Variants in SLIT3 observed in about 807,000 individuals in gnomAD.
SLIT3 encodes slit guidance ligand 3.
SLIT3 carries 68 observed loss-of-function variants against 184.0 expected under a neutral mutation model. The observed-to-expected ratio is 0.37, with a 90% CI of 0.30 to 0.45. The LOEUF is 0.45. Among genes scored for constraint, SLIT3 ranks in the 20% least tolerant of loss-of-function variants. The pLI is 1.00. For missense variants in SLIT3, 1,707 were observed against 2,026.0 expected (o/e 0.84, Z 3.02); for synonymous variants, 831 against 828.6 (o/e 1.00, Z -0.05).
chr5:168,668,877 C>T (rs1303742115), intron 35 of SLIT3, among the ~76,000 whole-genome samples: 1 of 152,256 alleles, frequency 6.6e-6, no homozygotes, highest in Non-Finnish European at 1.5e-5. Flanking sequence ...TCAAATGATT[C>T]TCTTGCCTCG....
chr5:169,003,095 T>G (rs1462158959), intron 4 of SLIT3, among the ~76,000 whole-genome samples: 1 of 152,202 alleles, frequency 6.6e-6, no homozygotes, highest in Non-Finnish European at 1.5e-5. Context: ...CTAAATCCAT[T>G]AGAAAGGATT....
intron 4 of SLIT3, among the ~76,000 whole-genome samples, chr5:168,958,695 T>C (rs1280983861): frequency 2.0e-5 from 3 of 152,180 alleles, no homozygotes; most frequent in African/African-American, 7.2e-5. Flanking sequence ...CTTTTCCCCC[T>C]AGAGAGAGAA....
At chr5:168,924,142 C>T (rs560327917) in intron 4 of SLIT3, among the ~76,000 whole-genome samples, 3 of 152,382 alleles carry the variant, frequency 2.0e-5, no homozygotes, top group East Asian at 3.9e-4. Flanking sequence ...TCTCTCTTCA[C>T]ACCTCTGACC....
intron 4 of SLIT3, among the ~76,000 whole-genome samples, chr5:169,065,310 C>G (rs1758312839): frequency 6.6e-6 from 1 of 152,104 alleles, no homozygotes; most frequent in Non-Finnish European, 1.5e-5. Context: ...ATCACACAGC[C>G]TGCTAGAATA....
intron 4 of SLIT3, among the ~76,000 whole-genome samples, chr5:168,898,396 C>CTT (rs67374761): frequency 7.0e-6 from 1 of 141,900 alleles, no homozygotes; most frequent in African/African-American, 2.6e-5. Context: ...TGGAGGGAGA[C>CTT]TTTTTTTTTT....
At chr5:169,207,448 G>A (rs911274404) in intron 3 of SLIT3, among the ~76,000 whole-genome samples, 2 of 148,902 alleles carry the variant, frequency 1.3e-5, no homozygotes, top group African/African-American at 2.5e-5. Flanking sequence ...AGAATTCAAC[G>A]TCATCTCCAA....
chr5:168,850,625 T>C (rs938388281), intron 5 of SLIT3, among the ~76,000 whole-genome samples: 6 of 152,246 alleles, frequency 3.9e-5, no homozygotes, highest in African/African-American at 1.2e-4. Context: ...CCTAGGTTAA[T>C]TAAGCTCTCT....
intron 1 of SLIT3, among the ~76,000 whole-genome samples, chr5:169,252,865 A>T (rs1027464812): frequency 4.6e-5 from 7 of 152,198 alleles, no homozygotes; most frequent in African/African-American, 9.7e-5. Context: ...TATATATATA[A>T]AAAATTCAAG....
chr5:169,164,625 G>A (rs1351132496), intron 4 of SLIT3, among the ~76,000 whole-genome samples: 7 of 152,168 alleles, frequency 4.6e-5, no homozygotes, highest in Admixed American at 4.6e-4. Context: ...GACCCTCCAG[G>A]CCCTGGCAGT....
intron 4 of SLIT3, among the ~76,000 whole-genome samples, chr5:168,963,609 A>G (rs1319154931): frequency 6.6e-6 from 1 of 152,230 alleles, no homozygotes; most frequent in Non-Finnish European, 1.5e-5. Context: ...TGACCCCTGG[A>G]TTAGACTGTC....
Position 168,841,452 on chromosome 5 carries a change from T to G in SLIT3, c.557+3132A>C, listed in dbSNP as rs10064005. 6.9e-3 allele frequency among the ~76,000 whole-genome samples: 1,051 copies of G among 152,310 alleles called. 20 individuals are homozygous for G. The highest frequency in any genetic ancestry group is 0.023 in the African/African-American group (966 of 41,570). The stretch of plus-strand genomic sequence containing the variant: ...TTTCGCCCCCGATACTATGCTTTTC[T>G]TCTTACTTCCTGGAAAGGGGAGGGG... On this transcript the variant is annotated intron_variant, in intron 6 of 35. Transcript: ENST00000519560.
At chr5:169,017,875 A>C (rs1756453207) in intron 4 of SLIT3, 1 of 152,220 alleles carries the variant, frequency 6.6e-6, no homozygotes, top group Non-Finnish European at 1.5e-5. Context: ...AGCCACTAAG[A>C]GTCAAAGACA....
intron 5 of SLIT3, among the ~76,000 whole-genome samples, chr5:168,848,005 C>A (rs1758539169): frequency 6.6e-6 from 1 of 152,216 alleles, no homozygotes; most frequent in Non-Finnish European, 1.5e-5. Flanking sequence ...GCAGAGAGAA[C>A]CCAGCAGTTG....
intron 4 of SLIT3, among the ~76,000 whole-genome samples, chr5:168,921,697 G>A (rs996835433): frequency 6.6e-6 from 1 of 152,154 alleles, no homozygotes; most frequent in East Asian, 1.9e-4. Context: ...GCTCCAAGCT[G>A]CTTACTTTCC....
intron 9 of SLIT3, among the ~76,000 whole-genome samples, chr5:168,795,891 A>C (rs1240966897): frequency 6.6e-6 from 1 of 152,144 alleles, no homozygotes; most frequent in Non-Finnish European, 1.5e-5. Flanking sequence ...AAGCTGTAGA[A>C]GTAACCAAGC....
intron 1 of SLIT3, among the ~76,000 whole-genome samples, chr5:169,268,193 C>T (rs979824116): frequency 1.3e-5 from 2 of 151,948 alleles, no homozygotes; most frequent in African/African-American, 4.8e-5. Flanking sequence ...CACAGAATAA[C>T]GTTAAGGTCT....
intron 4 of SLIT3, among the ~76,000 whole-genome samples, chr5:168,909,422 T>C (rs1383573454): frequency 3.3e-5 from 5 of 152,232 alleles, no homozygotes. Context: ...CAAAGCTTAG[T>C]GGCAGCCGCC....
intron 3 of SLIT3, among the ~76,000 whole-genome samples, chr5:169,234,873 T>C (rs1287707206): frequency 6.6e-6 from 1 of 152,236 alleles, no homozygotes; most frequent in Non-Finnish European, 1.5e-5. Flanking sequence ...TATTCACTTG[T>C]ATTCTGACAT....
intron 32 of SLIT3, among the ~76,000 whole-genome samples, chr5:168,681,072 C>T (rs1408608732): frequency 6.6e-6 from 1 of 152,182 alleles, no homozygotes; most frequent in Non-Finnish European, 1.5e-5. Flanking sequence ...TCACTTGAGG[C>T]TGGGAGGTGG....
Sources: gnomAD v4.1 joint callset for allele counts (sites outside exome capture counted in the v4.1 genomes callset) on GRCh38, gnomAD v4.1.1 for gene constraint, MANE v1.5 for transcripts, NCBI Gene and HGNC (gene_info 2026-07-23, HGNC 2026-07-21) for gene names.